Variants in BAZ1A observed in about 807,000 individuals in gnomAD.
BAZ1A encodes bromodomain adjacent to zinc finger domain protein 1A.
In BAZ1A, 50 loss-of-function variants were observed where a neutral mutation model predicts 185.2. The observed-to-expected ratio is 0.27, with a 90% CI of 0.22 to 0.34. The LOEUF is 0.34. Among genes scored for constraint, BAZ1A ranks in the 10% least tolerant of loss-of-function variants. The pLI is 1.00. For synonymous variants in BAZ1A, 571 were observed against 615.6 expected (o/e 0.93, Z 1.07); for missense variants, 1,356 against 1,839.9 (o/e 0.74, Z 4.81).
At chr14:34,809,559 CTCTT>C (rs200273786) in intron 5 of BAZ1A, among the ~76,000 whole-genome samples, 1,642 of 152,224 alleles carry the variant, frequency 0.011, 19 homozygotes, top group Middle Eastern at 0.041. Flanking sequence ...ATATTACCAT[CTCTT>C]TATTTAAAAA....
chr14:34,813,467 G>A (rs2041959333), intron 4 of BAZ1A, among the ~76,000 whole-genome samples: 1 of 152,124 alleles, frequency 6.6e-6, no homozygotes, highest in African/African-American at 2.4e-5. Flanking sequence ...TGGATCACCT[G>A]AGGTCAGGAG....
At chr14:34,782,677 A>C (rs922954722) in intron 16 of BAZ1A, among the ~76,000 whole-genome samples, 51 of 152,208 alleles carry the variant, frequency 3.4e-4, no homozygotes, top group Admixed American at 3.2e-3. Context: ...TGGAATATTG[A>C]GTTTTTTCAG....
In BAZ1A at chr14:34,874,445, G is replaced by T; in HGVS notation, c.113+47C>A. ...GAGAGAGACAAAAGAGCGCTGCGGG[G>T]GGAGTCCCCACACCCCCCGCGGCCC... On this transcript the variant is annotated intron_variant, in intron 2 of 26. Transcript: ENST00000360310. The surrounding 1 kb of genome is among the most constrained non-coding windows in gnomAD (Gnocchi z 4.7). The T allele has an allele frequency of 1.3e-6, 2 of 1,507,606 alleles. No individual in the cohort carries two copies. Among genetic ancestry groups the T allele is most frequent in the Non-Finnish European group, 1.8e-6 (2 of 1,085,640 alleles). 93.4% of individuals were successfully genotyped at this position (1,507,606 alleles called of 1,614,324 possible).
In BAZ1A at chr14:34,753,412, G is replaced by T; in HGVS notation, c.*96C>A. On this transcript the variant is annotated 3_prime_UTR_variant, in exon 27 of 27. Transcript: ENST00000360310. Reference sequence around the variant, plus strand: ...ATAGTGCAGGCCACACTTTCATGTGGTCAATCAATTGTTATTGCTTTATAC... The same window carrying T: ...ATAGTGCAGGCCACACTTTCATGTGTTCAATCAATTGTTATTGCTTTATAC... The T allele has an allele frequency of 1.8e-6, 2 of 1,133,704 alleles. No homozygotes were observed. The highest frequency in any genetic ancestry group is 2.6e-6 in the Non-Finnish European group (2 of 778,596). 70.2% of individuals were successfully genotyped at this position (1,133,704 alleles called of 1,614,324 possible).
intron 7 of BAZ1A, 73 bp from the exon 8 acceptor site, chr14:34,801,266 C>T (rs970800810): frequency 1.0e-6 from 1 of 968,534 alleles, no homozygotes; most frequent in Admixed American, 2.7e-5. Context: ...AAAACTCTCA[C>T]CAATTACACT....
rs114280645 is a variant in BAZ1A at position 34,868,291 on chromosome 14, C to T, written c.114-5969G>A. ...GAAATACTGATTATCTGGCCCTTTG[C>T]GGAAAAAATTTGATGACCCCTCCTC... On this transcript the variant is annotated intron_variant, in intron 2 of 26. Transcript: ENST00000360310. Among the ~76,000 whole-genome samples the T allele has an allele frequency of 6.2e-3, 939 of 152,168 alleles. 17 individuals are homozygous for T. Among genetic ancestry groups the T allele is most frequent in the African/African-American group, 0.022 (906 of 41,506 alleles).
At chr14:34,830,760 C>A (rs968556347) in intron 3 of BAZ1A, among the ~76,000 whole-genome samples, 17 of 148,894 alleles carry the variant, frequency 1.1e-4, no homozygotes, top group African/African-American at 4.2e-4. Context: ...TGGTATATCT[C>A]TACAACTCCT....
intron 9 of BAZ1A, among the ~76,000 whole-genome samples, chr14:34,796,165 T>TACACACACACAC (rs61285890): frequency 0.069 from 10,124 of 146,426 alleles, 409 homozygotes; most frequent in Admixed American, 0.11. Context: ...TACATATACA[T>TACACACACACAC]ACACACACAC....
chr14:34,768,746 A>C (rs898786585), intron 21 of BAZ1A: 6 of 418,276 alleles, frequency 1.4e-5, no homozygotes, highest in Admixed American at 8.2e-5. Flanking sequence ...TTTTTTTTCT[A>C]TCTCCCTTTT....
At chr14:34,755,247 C>G (rs970772200) in intron 25 of BAZ1A, among the ~76,000 whole-genome samples, 1 of 152,078 alleles carries the variant, frequency 6.6e-6, no homozygotes, top group Non-Finnish European at 1.5e-5. Context: ...ATTACCCAGG[C>G]AAAATGAGTC....
rs909109408 is a variant in BAZ1A, at chr14:34,874,823, G to C, written c.-58-161C>G. On this transcript the variant is annotated intron_variant, in intron 1 of 26. Coordinates refer to ENST00000360310, the MANE Select transcript of BAZ1A (RefSeq NM_013448.3). This position sits in a 1 kb window ranked among gnomAD's most constrained non-coding sequence, Gnocchi z 4.7. ...TCGTTCCTGCCGCTGCCCGGGTGTC[G>C]AGCGAGCGGAGCCGCCGCCGCCCCT... 4 of 458,948 alleles carry C rather than the reference G, an allele frequency of 8.7e-6. No homozygotes were observed. Among genetic ancestry groups the C allele is most frequent in the African/African-American group, 4.2e-5 (2 of 47,680 alleles). 28.4% of individuals were successfully genotyped at this position (458,948 alleles called of 1,614,324 possible).
At chr14:34,814,573 A>T (rs2041978236) in intron 4 of BAZ1A, among the ~76,000 whole-genome samples, 1 of 151,884 alleles carries the variant, frequency 6.6e-6, no homozygotes, top group East Asian at 1.9e-4. Flanking sequence ...GGCTCAAGTG[A>T]TCCTCCTATC....
chr14:34,765,375 TC>T, intron 21 of BAZ1A, 107 bp from the exon 22 acceptor site: 1 of 1,352,112 alleles, frequency 7.4e-7, no homozygotes, highest in Non-Finnish European at 1.0e-6. Context: ...ACATTTCTTT[TC>T]TTCTGATACT....
chr14:34,844,727 T>C (rs1375808783), intron 3 of BAZ1A, among the ~76,000 whole-genome samples: 1 of 151,452 alleles, frequency 6.6e-6, no homozygotes, highest in Non-Finnish European at 1.5e-5. Flanking sequence ...TACTACATTC[T>C]AGCCTGGGCA....
chr14:34,821,181 T>C (rs986461654), intron 4 of BAZ1A, among the ~76,000 whole-genome samples: 2 of 152,190 alleles, frequency 1.3e-5, no homozygotes, highest in African/African-American at 4.8e-5. Flanking sequence ...AACTGACATC[T>C]TGACAACACT....
At chr14:34,855,058 G>A (rs950680038) in intron 3 of BAZ1A, among the ~76,000 whole-genome samples, 1 of 152,114 alleles carries the variant, frequency 6.6e-6, no homozygotes, top group South Asian at 2.1e-4. Flanking sequence ...CAGCCTGGGC[G>A]ACAGAGTGTA....
chr14:34,792,994 CATGTAATCAACA>C (rs1215341642), intron 11 of BAZ1A, 73 bp from the exon 12 acceptor site: 12 of 1,373,540 alleles, frequency 8.7e-6, no homozygotes, highest in African/African-American at 1.5e-5. Context: ...CTGGAATAAA[CATGTAATCAACA>C]ATAGTATGTG....
In BAZ1A at chr14:34,784,541, G is replaced by A. The variant is rs1297384231; in HGVS notation, c.1832-614C>T. Among the ~76,000 whole-genome samples the A allele has an allele frequency of 5.9e-5, 9 of 151,450 alleles. No individual in the cohort carries two copies. The East Asian group carries it at 1.2e-3, about 20-fold the overall frequency. ...TTGTTTGTTTTTGTTTTTTTGAGAC[G>A]GAGTCTCGCTCTGACGCCCAGGCTG... On this transcript the variant is annotated intron_variant, in intron 14 of 26. Coordinates refer to ENST00000360310, the MANE Select transcript of BAZ1A (RefSeq NM_013448.3).
intron 2 of BAZ1A, among the ~76,000 whole-genome samples, chr14:34,873,555 AG>A (rs1468498272): frequency 6.6e-6 from 1 of 152,202 alleles, no homozygotes; most frequent in Non-Finnish European, 1.5e-5. Context: ...CATGTCAGGC[AG>A]CCCACATGCG....
Sources: allele counts gnomAD v4.1 joint callset (sites outside exome capture counted in the v4.1 genomes callset), GRCh38; gene constraint gnomAD v4.1.1; non-coding constraint Gnocchi (gnomAD v3.1); transcripts MANE v1.5; gene names NCBI Gene and HGNC (gene_info 2026-07-23, HGNC 2026-07-21).